GOLM1: variants seen among roughly 807,000 people sequenced by gnomAD.
GOLM1 encodes the protein golgi membrane protein 1, also known as epididymis luminal protein 46.
Under a neutral mutation model 50.5 loss-of-function variants are expected in GOLM1, and 31 were observed. The ratio of observed to expected loss-of-function variants is 0.61; its 90% confidence interval spans 0.46 to 0.83. The LOEUF (loss-of-function observed/expected upper bound fraction) is 0.83, where lower values mean the gene tolerates loss of function less well. Ranked by LOEUF, GOLM1 falls within the 40% of genes least tolerant of loss-of-function variation. The pLI is 0.00. For missense variants in GOLM1, 491 were observed against 501.3 expected, an observed-to-expected ratio of 0.98 and a Z score of 0.20; for synonymous variants, 178 against 192.8, an observed-to-expected ratio of 0.92 and a Z score of 0.64.
At chr9:86,099,812 G>C (rs1371167347), upstream of GOLM1, among the ~76,000 whole-genome samples, 1 of 152,106 alleles carries the variant, frequency 6.6e-6, no homozygotes, top group East Asian at 1.9e-4. Context: ...GGGAGCTGGC[G>C]CCTGAGCAGC....
At chr9:86,056,796 A>G (rs945438623) in intron 3 of GOLM1, among the ~76,000 whole-genome samples, 9 of 151,552 alleles carry the variant, frequency 5.9e-5, no homozygotes, top group Admixed American at 1.3e-4. Context: ...GAGGCACTGC[A>G]CCCAGCCAAA....
intron 3 of GOLM1, among the ~76,000 whole-genome samples, chr9:86,067,694 T>A (rs550684865): frequency 2.6e-5 from 4 of 152,286 alleles, no homozygotes; most frequent in Admixed American, 2.0e-4. Context: ...AAGGAGCCCA[T>A]GAATGACCTC....
At chr9:86,048,620 G>A (rs1480332063) in intron 4 of GOLM1, among the ~76,000 whole-genome samples, 1 of 152,188 alleles carries the variant, frequency 6.6e-6, no homozygotes, top group Non-Finnish European at 1.5e-5. Context: ...TTTCTCTGAT[G>A]ACCAGTGATG....
Position 86,079,395 on chromosome 9 carries a change from A to G in GOLM1, c.-21-54T>C. On this transcript the variant is annotated intron_variant, in intron 1 of 9. Coordinates refer to ENST00000388712, the MANE Select transcript of GOLM1 (RefSeq NM_016548.4). ...TCAATACTAGTTTTATCATCTCCGAAGCAGACCGTATCATCCTTACAACCA... is the reference window on the plus strand; with the variant it reads ...TCAATACTAGTTTTATCATCTCCGAGGCAGACCGTATCATCCTTACAACCA... 5.8e-6 allele frequency: 8 copies of G among 1,379,626 alleles called. No individual in the cohort carries two copies. The South Asian group carries it at 1.1e-4, about 19-fold the overall frequency. The allele number at this position is 1,379,626 out of a possible 1,614,324, so 85.5% of individuals were successfully genotyped here.
chr9:86,040,850 C>G lies in GOLM1; in HGVS notation c.486G>C (p.Gln162His). ...CACACTGTTCCTTCACCTCCTTCAT[C>G]TGATTGATGCACTGGCTCCTTTGGT... ...FSYDLSQCIN[Q>H]MKEVKEQCEE... Residue 162 changes from glutamine to histidine, a missense_variant, in exon 6 of 10, where the codon CAG (glutamine) becomes CAC (histidine). Coordinates refer to ENST00000388712, the MANE Select transcript of GOLM1 (RefSeq NM_016548.4). 1 of 1,613,898 alleles carries G rather than the reference C, an allele frequency of 6.2e-7. No homozygotes were observed. The highest frequency in any genetic ancestry group is 8.5e-7 in the Non-Finnish European group (1 of 1,179,928).
At chr9:86,098,173 G>A (rs925930372) in intron 1 of GOLM1, among the ~76,000 whole-genome samples, 4 of 152,092 alleles carry the variant, frequency 2.6e-5, no homozygotes, top group African/African-American at 9.7e-5. Flanking sequence ...TTCAATTTTT[G>A]TTCACTGACA....
At chr9:86,093,163 T>C (rs968161302) in intron 1 of GOLM1, among the ~76,000 whole-genome samples, 1 of 152,150 alleles carries the variant, frequency 6.6e-6, no homozygotes, top group African/African-American at 2.4e-5. Context: ...GACGATCACC[T>C]GAGGTCAGGA....
Position 86,027,172 on chromosome 9 carries a change from C to T in GOLM1, c.*645G>A. The T allele has an allele frequency of 1.9e-5, 19 of 985,368 alleles. No individual in the cohort carries two copies. The highest frequency in any genetic ancestry group is 2.3e-5 in the Non-Finnish European group (19 of 829,854). 61.0% of individuals were successfully genotyped at this position (985,368 alleles called of 1,614,324 possible). On this transcript the variant is annotated 3_prime_UTR_variant, in exon 10 of 10. Coordinates refer to ENST00000388712, the MANE Select transcript of GOLM1 (RefSeq NM_016548.4). The stretch of plus-strand genomic sequence containing the variant: ...CTAAGCCACTTAATAGCGTTTTGTA[C>T]ATTAAAAATGACAAGGGTTATTATA...
At chr9:86,045,837 G>A (rs1428221190) in intron 5 of GOLM1, among the ~76,000 whole-genome samples, 1 of 152,170 alleles carries the variant, frequency 6.6e-6, no homozygotes, top group African/African-American at 2.4e-5. Flanking sequence ...GGACAGTCAT[G>A]AGGGCTGGGC....
Position 86,027,625 on chromosome 9 carries a change from G to A in GOLM1, c.*192C>T, listed in dbSNP as rs554291261. 1.5e-6 allele frequency: 2 copies of A among 1,364,388 alleles called. No individual in the cohort carries two copies. The highest frequency in any genetic ancestry group is 1.9e-6 in the Non-Finnish European group (2 of 1,063,306). 84.5% of individuals were successfully genotyped at this position (1,364,388 alleles called of 1,614,324 possible). ...TGACACCTTATTAGACACTTCCAAAGTACCCCCCAAAAGCTGTTTAAAAGA... is the reference window on the plus strand; with the variant it reads ...TGACACCTTATTAGACACTTCCAAAATACCCCCCAAAAGCTGTTTAAAAGA... On this transcript the variant is annotated 3_prime_UTR_variant, in exon 10 of 10. Coordinates refer to ENST00000388712, the MANE Select transcript of GOLM1 (RefSeq NM_016548.4).
intron 3 of GOLM1, among the ~76,000 whole-genome samples, chr9:86,056,545 G>A (rs1437181409): frequency 7.2e-6 from 1 of 139,120 alleles, no homozygotes; most frequent in East Asian, 2.1e-4. Context: ...CTCGCCTGTC[G>A]CCCAGGCTGG....
chr9:86,037,556 T>C (rs1043987227), intron 6 of GOLM1, among the ~76,000 whole-genome samples: 8 of 152,080 alleles, frequency 5.3e-5, no homozygotes, highest in Admixed American at 2.6e-4. Flanking sequence ...CAAGCATCTG[T>C]ATTAGAAGAC....
Position 86,026,307 on chromosome 9 carries a change from T to TAAG in GOLM1, c.*1507_*1509dup, listed in dbSNP as rs905354552. ...GACTTAGAAGAGTATGAAAGTACTC[T>TAAG]AAGATTTTATCTAAGTTGCCTTTTC... On this transcript the variant is annotated 3_prime_UTR_variant, in exon 10 of 10. Transcript: ENST00000388712. The TAAG allele has an allele frequency of 2.0e-6, 2 of 984,978 alleles. No individual in the cohort carries two copies. The highest frequency in any genetic ancestry group is 3.5e-5 in the African/African-American group (2 of 57,228). The allele number at this position is 984,978 out of a possible 1,614,324, so 61.0% of individuals were successfully genotyped here. A position where few individuals can be genotyped will look rare whatever the true frequency, so the allele number is the denominator to read the frequency against.
At chr9:86,062,313 C>T (rs1410942607) in intron 3 of GOLM1, among the ~76,000 whole-genome samples, 2 of 152,036 alleles carry the variant, frequency 1.3e-5, no homozygotes, top group African/African-American at 4.8e-5. Flanking sequence ...GGCGAGGGGG[C>T]CTGAACCCAA....
At chr9:86,045,454 C>T (rs1291909317) in intron 5 of GOLM1, among the ~76,000 whole-genome samples, 1 of 152,058 alleles carries the variant, frequency 6.6e-6, no homozygotes, top group East Asian at 1.9e-4. Flanking sequence ...AGGTGGATCA[C>T]CTGAGGTCAG....
At chr9:86,087,788 C>T (rs769417664) in intron 1 of GOLM1, among the ~76,000 whole-genome samples, 5 of 152,168 alleles carry the variant, frequency 3.3e-5, no homozygotes, top group Non-Finnish European at 4.4e-5. Flanking sequence ...AGGGATGAAG[C>T]TGACTTGATT....
intron 5 of GOLM1, among the ~76,000 whole-genome samples, chr9:86,045,323 C>A (rs1833502872): frequency 6.6e-6 from 1 of 151,504 alleles, no homozygotes; most frequent in African/African-American, 2.4e-5. Flanking sequence ...TGCACTCCAG[C>A]CTGGGTGACA....
intron 7 of GOLM1, 46 bp from the exon 8 acceptor site, chr9:86,035,671 T>TAAAAAAA (rs375193474): frequency 3.4e-6 from 3 of 873,128 alleles, no homozygotes; most frequent in African/African-American, 4.7e-5. Flanking sequence ...GCATTTGATT[T>TAAAAAAA]AAAAAAAAAA....
intron 1 of GOLM1, among the ~76,000 whole-genome samples, chr9:86,088,454 ATATT>A (rs1835057962): frequency 8.8e-6 from 1 of 113,406 alleles, no homozygotes; most frequent in South Asian, 3.1e-4. Context: ...ATATATATAT[ATATT>A]TAGGATAGAT....
Sources: allele counts gnomAD v4.1 joint callset (sites outside exome capture counted in the v4.1 genomes callset), GRCh38; gene constraint gnomAD v4.1.1; transcripts MANE v1.5; gene names NCBI Gene and HGNC (gene_info 2026-07-23, HGNC 2026-07-21).